The following NBAS variants were observed in gnomAD, a reference collection of about 807,000 sequenced individuals.
NBAS encodes NBAS subunit of NRZ tethering complex, also known as NAG/BC035112 fusion.
In NBAS, 219 loss-of-function variants were observed where a neutral mutation model predicts 302.5. The ratio of observed to expected loss-of-function variants is 0.72; its 90% CI spans 0.65 to 0.81. NBAS has a LOEUF of 0.81. NBAS is among the 30% of genes least tolerant of loss of function. The pLI, the probability that NBAS is intolerant of heterozygous loss-of-function variation, is 0.00. For missense variants in NBAS, 2,932 were observed against 2,841.6 expected, an observed-to-expected ratio of 1.03 and a Z score of -0.72; for synonymous variants, 1,118 against 1,021.6, an observed-to-expected ratio of 1.09 and a Z score of -1.80.
intron 19 of NBAS, 32 bp from the exon 20 acceptor site, chr2:15,461,823 T>G (rs766830830): frequency 7.9e-7 from 1 of 1,261,368 alleles, no homozygotes; most frequent in Non-Finnish European, 1.2e-6. Flanking sequence ...AGTGATTTAA[T>G]GAAAAGGCTT....
chr2:15,268,603 C>T (rs540825940), intron 44 of NBAS, among the ~76,000 whole-genome samples: 6 of 152,314 alleles, frequency 3.9e-5, no homozygotes, highest in African/African-American at 1.4e-4. Context: ...TGGGGGCCAC[C>T]TCGCTGGAGC....
chr2:15,348,520 G>T (rs1024468085), intron 35 of NBAS, among the ~76,000 whole-genome samples: 1 of 151,716 alleles, frequency 6.6e-6, no homozygotes, highest in Non-Finnish European at 1.5e-5. Context: ...AGTCACAAAA[G>T]GCTTTTCACA....
At chr2:15,022,488 G>C in the NBAS span, among the ~76,000 whole-genome samples, 2 of 152,096 alleles carry the variant, frequency 1.3e-5, no homozygotes, top group Non-Finnish European at 2.9e-5. Flanking sequence ...TTTTCAACTA[G>C]ATTTACAATA....
chr2:14,898,628 T>G, the NBAS span, among the ~76,000 whole-genome samples: 3 of 152,194 alleles, frequency 2.0e-5, no homozygotes, highest in Non-Finnish European at 4.4e-5. Context: ...GTTTTCTTGG[T>G]AGTGAATAAG....
the NBAS span, among the ~76,000 whole-genome samples, chr2:14,977,305 A>G: frequency 9.2e-5 from 14 of 152,354 alleles, no homozygotes; most frequent in African/African-American, 3.4e-4. Flanking sequence ...AAAGAAACAT[A>G]CAGTGGATGA....
intron 51 of NBAS, chr2:15,178,035 C>T: frequency 2.7e-6 from 1 of 377,196 alleles, no homozygotes; most frequent in Non-Finnish European, 5.6e-6. Flanking sequence ...TTTTCTGTAT[C>T]CTTTGTCATT....
the NBAS span, among the ~76,000 whole-genome samples, chr2:14,878,973 C>G: frequency 9.2e-5 from 14 of 152,302 alleles, no homozygotes; most frequent in African/African-American, 2.4e-4. Context: ...AGCATTCCCA[C>G]GAACCCCTAG....
chr2:14,894,541 A>G, the NBAS span, among the ~76,000 whole-genome samples: 5 of 151,692 alleles, frequency 3.3e-5, no homozygotes, highest in Middle Eastern at 3.4e-3. Context: ...GAAATGTAAA[A>G]TATATATATA....
chr2:15,132,814 AT>A, the NBAS span, among the ~76,000 whole-genome samples: 18 of 151,156 alleles, frequency 1.2e-4, no homozygotes, highest in South Asian at 4.2e-4. Flanking sequence ...CTTTTTGATA[AT>A]TTTTTTTTAA....
At chr2:14,804,002 C>T in the NBAS span, among the ~76,000 whole-genome samples, 1 of 152,170 alleles carries the variant, frequency 6.6e-6, no homozygotes, top group Admixed American at 6.5e-5. Context: ...ATCTGTAATT[C>T]TCCATCTTGA....
intron 28 of NBAS, among the ~76,000 whole-genome samples, chr2:15,385,309 C>T (rs1459667947): frequency 1.3e-5 from 2 of 152,102 alleles, no homozygotes; most frequent in Non-Finnish European, 2.9e-5. Flanking sequence ...AGTGAGTGTC[C>T]ATCTTGCACA....
the NBAS span, among the ~76,000 whole-genome samples, chr2:14,803,480 C>T: frequency 1.6e-4 from 25 of 152,266 alleles, no homozygotes; most frequent in African/African-American, 5.5e-4. Context: ...GACTCCTGGG[C>T]TTCTCTCTGT....
the NBAS span, among the ~76,000 whole-genome samples, chr2:14,824,388 C>T: frequency 6.6e-6 from 1 of 152,188 alleles, no homozygotes; most frequent in African/African-American, 2.4e-5. Flanking sequence ...AATTACAATG[C>T]TATTAAGAGG....
chr2:15,260,916 G>A (rs963070020), intron 44 of NBAS, among the ~76,000 whole-genome samples: 2 of 152,138 alleles, frequency 1.3e-5, no homozygotes, highest in Admixed American at 6.5e-5. Flanking sequence ...TGATGTTTCC[G>A]ATCCTAATCC....
the NBAS span, among the ~76,000 whole-genome samples, chr2:14,972,359 T>G: frequency 6.6e-6 from 1 of 152,152 alleles, no homozygotes; most frequent in East Asian, 1.9e-4. Context: ...CAAACCACCA[T>G]GGCACACAAA....
intron 10 of NBAS, among the ~76,000 whole-genome samples, chr2:15,507,735 T>C (rs1216518971): frequency 2.0e-5 from 3 of 152,226 alleles, no homozygotes; most frequent in African/African-American, 7.2e-5. Context: ...TCTTCCCATA[T>C]GCAGCGAATC....
chr2:14,923,481 G>A, the NBAS span, among the ~76,000 whole-genome samples: 1 of 152,214 alleles, frequency 6.6e-6, no homozygotes, highest in Admixed American at 6.5e-5. Context: ...TGTTTGCTTT[G>A]TGACAAATGC....
At chr2:14,805,946 T>G in the NBAS span, among the ~76,000 whole-genome samples, 1 of 152,138 alleles carries the variant, frequency 6.6e-6, no homozygotes. Context: ...AACTGATCAT[T>G]TGTTTAAGAT....
At chr2:15,462,119 A>T (rs1311783833) in intron 19 of NBAS, among the ~76,000 whole-genome samples, 1 of 152,246 alleles carries the variant, frequency 6.6e-6, no homozygotes, top group Non-Finnish European at 1.5e-5. Flanking sequence ...TGAGCACCTG[A>T]ACCTCTATAG....
Sources: gnomAD v4.1 joint callset for allele counts (sites outside exome capture counted in the v4.1 genomes callset) on GRCh38, gnomAD v4.1.1 for gene constraint, MANE v1.5 for transcripts, NCBI Gene and HGNC (gene_info 2026-07-23, HGNC 2026-07-21) for gene names.